Variants in LUC7L3 observed in about 807,000 individuals in gnomAD.
The protein encoded by LUC7L3 is luc7-like protein 3.
In LUC7L3, 6 loss-of-function variants were observed where a neutral mutation model predicts 66.8. The observed-to-expected ratio is 0.09, with a 90% confidence interval of 0.05 to 0.18. The LOEUF is 0.18. Ranked by LOEUF, LUC7L3 falls within the 10% of genes least tolerant of loss-of-function variation. The probability of loss-of-function intolerance (pLI) is 1.00; values close to 1 mark genes in which losing one functional copy is unlikely to be tolerated. For missense variants in LUC7L3, 341 were observed against 531.1 expected (o/e 0.64, Z 3.52); for synonymous variants, 160 against 174.7 (o/e 0.92, Z 0.66).
chr17:50,732,661 C>T (rs1969691762), intron 1 of LUC7L3, among the ~76,000 whole-genome samples: 1 of 151,718 alleles, frequency 6.6e-6, no homozygotes, highest in Non-Finnish European at 1.5e-5. Context: ...GGATTACAGG[C>T]ATAAGCCACT....
chr17:50,750,727 T>G lies in LUC7L3; in HGVS notation c.*66T>G, dbSNP rs759890269. ...TATTGTTTCTCACTTTGATTAGGGC[T>G]TTTTGTTACTGTTTGACAGTGCAGC... On this transcript the variant is annotated 3_prime_UTR_variant, in exon 10 of 10. Coordinates refer to ENST00000505658, the MANE Select transcript of LUC7L3 (RefSeq NM_016424.5). 1 of 1,613,482 alleles carries G rather than the reference T, an allele frequency of 6.2e-7. No homozygotes were observed.
At chr17:50,744,509 A>G (rs1970544010) in intron 6 of LUC7L3, 143 bp from the exon 7 acceptor site, 1 of 690,142 alleles carries the variant, frequency 1.4e-6, no homozygotes. Flanking sequence ...AAAGTTGACC[A>G]CTTGTAGTCC....
In LUC7L3 at chr17:50,742,148, A is replaced by G. The variant is rs148119049; in HGVS notation, c.426+417A>G. Among the ~76,000 whole-genome samples, 1,090 of 152,276 alleles carry G rather than the reference A, an allele frequency of 7.2e-3. 8 individuals are homozygous for G. The highest frequency in any genetic ancestry group is 0.024 in the South Asian group (116 of 4,820). ...CAGCAAATATGAAAAGACGCTCAAC[A>G]CTATTAGTCGTTAGGGAAATACAGA... is the stretch of plus-strand genomic sequence containing the variant. On this transcript the variant is annotated intron_variant, in intron 5 of 9. Transcript: ENST00000505658.
In LUC7L3 at chr17:50,737,085, G is replaced by A. The variant is rs1365941828; in HGVS notation, c.166+59G>A. On this transcript the variant is annotated intron_variant, in intron 2 of 9. Coordinates refer to ENST00000505658, the MANE Select transcript of LUC7L3 (RefSeq NM_016424.5). ...TTATGATATTTAAAATGTTGAATAGGAGTGGTGAAAGGAAAAAAACTGATT... is the reference window on the plus strand; with the variant it reads ...TTATGATATTTAAAATGTTGAATAGAAGTGGTGAAAGGAAAAAAACTGATT... The A allele has an allele frequency of 2.4e-6, 3 of 1,259,902 alleles. No homozygotes were observed. In the African/African-American group the frequency reaches 4.5e-5, roughly 19 times the overall value. 78.0% of individuals were successfully genotyped at this position (1,259,902 alleles called of 1,614,324 possible). A position where few individuals can be genotyped will look rare whatever the true frequency, so the allele number is the denominator to read the frequency against.
chr17:50,744,705 T>C lies in LUC7L3; in HGVS notation c.585T>C (p.Cys195=). 1 of 1,614,176 alleles carries C rather than the reference T, an allele frequency of 6.2e-7. No individual in the cohort carries two copies. Among genetic ancestry groups the C allele is most frequent in the Non-Finnish European group, 8.5e-7 (1 of 1,179,966 alleles). Residue 195 remains cysteine (C), a synonymous_variant, in exon 7 of 10, where the codon TGT becomes TGC. Transcript: ENST00000505658. ...AACAAATGGAAGTTTGTGAAGTATG[T>C]GGAGCCTTTTTAATAGTAGGAGATG... The part of the protein sequence containing the change: ...QEKQMEVCEV[C]GAFLIVGDAQ...
At chr17:50,747,359 G>C (rs1203205846) in intron 9 of LUC7L3, among the ~76,000 whole-genome samples, 1 of 151,044 alleles carries the variant, frequency 6.6e-6, no homozygotes, top group Non-Finnish European at 1.5e-5. Flanking sequence ...GCCTTTATTG[G>C]AAGATAATTC....
At chr17:50,730,033 A>G (rs915838752) in intron 1 of LUC7L3, among the ~76,000 whole-genome samples, 6 of 149,946 alleles carry the variant, frequency 4.0e-5, no homozygotes, top group Non-Finnish European at 7.4e-5. Context: ...AGCTCACTGC[A>G]GCTTCCACCT....
At chr17:50,737,127 T>C in intron 2 of LUC7L3, 101 bp downstream of exon 2, 1 of 812,274 alleles carries the variant, frequency 1.2e-6, no homozygotes, top group Non-Finnish European at 2.0e-6. Flanking sequence ...CTGTGAAGTT[T>C]TTTCTTAAAG....
intron 9 of LUC7L3, 118 bp from the exon 10 acceptor site, chr17:50,750,383 C>T (rs949949945): frequency 8.6e-6 from 8 of 930,578 alleles, no homozygotes; most frequent in African/African-American, 1.7e-5. Context: ...CAAACCGTTG[C>T]TTGCAGTCTG....
At chr17:50,737,639 T>G (rs1278639961) in intron 2 of LUC7L3, among the ~76,000 whole-genome samples, 3 of 152,104 alleles carry the variant, frequency 2.0e-5, no homozygotes, top group Non-Finnish European at 2.9e-5. Context: ...TCTCTGGCCT[T>G]TACCCACTAG....
chr17:50,723,957 A>G (rs778424856), intron 1 of LUC7L3: 2 of 455,768 alleles, frequency 4.4e-6, no homozygotes, highest in South Asian at 1.5e-5. Context: ...CTTACTCCAT[A>G]GTAAAATAGT....
In LUC7L3 at chr17:50,738,104, C is replaced by G. The variant is rs117373214; in HGVS notation, c.166+1078C>G. The G allele has an allele frequency of 1.8e-3, 796 of 453,858 alleles. 14 individuals are homozygous for G. The East Asian group carries it at 0.046, about 26-fold the overall frequency. The allele number at this position is 453,858 out of a possible 1,614,324, so 28.1% of individuals were successfully genotyped here. A position where few individuals can be genotyped will look rare whatever the true frequency, so the allele number is the denominator to read the frequency against. On this transcript the variant is annotated intron_variant, in intron 2 of 9. Transcript: ENST00000505658. The stretch of plus-strand genomic sequence containing the variant: ...TGGTGGGGCTCTCCTCTGCCCTGTT[C>G]CTAGAAGGATACAGCCAGATGTTTT...
At chr17:50,731,533 C>G (rs1232701928) in intron 1 of LUC7L3, among the ~76,000 whole-genome samples, 1 of 152,158 alleles carries the variant, frequency 6.6e-6, no homozygotes, top group African/African-American at 2.4e-5. Context: ...ATGTTCTTCC[C>G]ATTTTTTCGG....
chr17:50,736,791 C>T (rs1039692310), intron 1 of LUC7L3, 169 bp from the exon 2 acceptor site: 4 of 560,146 alleles, frequency 7.1e-6, no homozygotes, highest in African/African-American at 5.8e-5. Flanking sequence ...TATCGAAATT[C>T]AGGAGTCTGA....
At chr17:50,745,331 C>CT (rs1970600640) in intron 7 of LUC7L3, among the ~76,000 whole-genome samples, 1 of 152,136 alleles carries the variant, frequency 6.6e-6, no homozygotes, top group South Asian at 2.1e-4. Context: ...TCTATTTTAG[C>CT]TATAGCTACA....
At chr17:50,740,039 CCTT>C in intron 2 of LUC7L3, among the ~76,000 whole-genome samples, 1 of 152,268 alleles carries the variant, frequency 6.6e-6, no homozygotes, top group Middle Eastern at 3.4e-3. Flanking sequence ...CACCTTCCCT[CCTT>C]TTCTCCCTCC....
At chr17:50,747,612 G>T (rs1239641958) in intron 9 of LUC7L3, among the ~76,000 whole-genome samples, 1 of 152,032 alleles carries the variant, frequency 6.6e-6, no homozygotes, top group East Asian at 1.9e-4. Flanking sequence ...TATTATACTA[G>T]TCTTTTGTGT....
At chr17:50,742,214 T>G (rs1970392696) in intron 5 of LUC7L3, among the ~76,000 whole-genome samples, 1 of 152,172 alleles carries the variant, frequency 6.6e-6, no homozygotes, top group Non-Finnish European at 1.5e-5. Flanking sequence ...CCTATGAGAA[T>G]AGCTAAAATT....
At chr17:50,732,698 A>G (rs937973455) in intron 1 of LUC7L3, among the ~76,000 whole-genome samples, 2 of 151,506 alleles carry the variant, frequency 1.3e-5, no homozygotes, top group Non-Finnish European at 2.9e-5. Flanking sequence ...CTTTTTTAAT[A>G]CTATGAAGAA....
Sources: allele counts gnomAD v4.1 joint callset (sites outside exome capture counted in the v4.1 genomes callset), GRCh38; gene constraint gnomAD v4.1.1; transcripts MANE v1.5; gene names NCBI Gene and HGNC (gene_info 2026-07-23, HGNC 2026-07-21).